The following FLVCR2 variants were observed in gnomAD, a reference collection of about 807,000 sequenced individuals.
The protein encoded by FLVCR2 is choline/ethanolamine transporter FLVCR2.
In FLVCR2, 38 loss-of-function variants were observed where a neutral mutation model predicts 48.9. That is an observed-to-expected ratio of 0.78 (90% CI 0.60 to 1.02). The LOEUF (loss-of-function observed/expected upper bound fraction) is 1.02, where lower values mean the gene tolerates loss of function less well. Ranked by LOEUF, FLVCR2 falls within the 50% of genes least tolerant of loss-of-function variation. The probability of loss-of-function intolerance (pLI) is 0.00; values close to 1 mark genes in which losing one functional copy is unlikely to be tolerated. For missense variants in FLVCR2, 664 were observed against 663.3 expected, an observed-to-expected ratio of 1.00 and a Z score of -0.01; for synonymous variants, 255 against 257.0, an observed-to-expected ratio of 0.99 and a Z score of 0.07.
At chr14:75,637,880 CG>C (rs1566796954) in intron 5 of FLVCR2, among the ~76,000 whole-genome samples, 1 of 151,854 alleles carries the variant, frequency 6.6e-6, no homozygotes, top group Non-Finnish European at 1.5e-5. Context: ...TTGCAGGAGT[CG>C]GGGCTGCATC....
At chr14:75,615,220 C>T (rs983607686) in intron 1 of FLVCR2, among the ~76,000 whole-genome samples, 5 of 152,046 alleles carry the variant, frequency 3.3e-5, no homozygotes, top group Admixed American at 6.5e-5. Flanking sequence ...CAGAAAGGTC[C>T]GAAGTGGGAC....
chr14:75,579,374 C>A lies in FLVCR2; in HGVS notation c.402C>A (p.Tyr134Ter). The change falls in exon 1 of 10, where the codon TAC becomes TAA. Residue 134 changes from tyrosine to a stop codon, truncating the protein, a stop_gained. Transcript: ENST00000238667. LOFTEE classifies it high-confidence loss of function. ...DWLSMCYMLT[Y>*]IPLLLPVAWL... is the part of the protein sequence containing the mutation. ...TGTCCATGTGCTACATGCTGACTTA[C>A]ATCCCTCTGCTCCTGCCAGTGGCTT... 2 of 1,614,244 alleles carry A rather than the reference C, an allele frequency of 1.2e-6. No individual in the cohort carries two copies. Among genetic ancestry groups the A allele is most frequent in the East Asian group, 4.5e-5 (2 of 44,892 alleles).
At chr14:75,583,796 G>C (rs1888669958) in intron 1 of FLVCR2, among the ~76,000 whole-genome samples, 2 of 152,168 alleles carry the variant, frequency 1.3e-5, no homozygotes, top group African/African-American at 4.8e-5. Flanking sequence ...AGGGAAACAG[G>C]CCCTTGAAAA....
At chr14:75,641,407 G>T in intron 8 of FLVCR2, 114 bp downstream of exon 8, 2 of 747,594 alleles carry the variant, frequency 2.7e-6, no homozygotes, top group South Asian at 2.9e-5. Context: ...GGAAGGGTTT[G>T]TTGGGGAATC....
chr14:75,609,416 A>G (rs1249590558), intron 1 of FLVCR2, among the ~76,000 whole-genome samples: 2 of 152,286 alleles, frequency 1.3e-5, no homozygotes, highest in South Asian at 2.1e-4. Flanking sequence ...TGGTGCTGCA[A>G]TCTCTCTCTT....
intron 1 of FLVCR2, among the ~76,000 whole-genome samples, chr14:75,582,796 G>A (rs542277051): frequency 6.6e-6 from 1 of 152,284 alleles, no homozygotes; most frequent in Non-Finnish European, 1.5e-5. Context: ...TTGCTTTTGT[G>A]AGTTTATAAA....
At chr14:75,641,927 A>C (rs765301959) in intron 9 of FLVCR2, 29 bp downstream of exon 9, 1 of 1,606,398 alleles carries the variant, frequency 6.2e-7, no homozygotes. Context: ...TGTGGGGCTG[A>C]GATCGGGGTC....
intron 1 of FLVCR2, among the ~76,000 whole-genome samples, chr14:75,599,245 C>T (rs1889101499): frequency 6.6e-6 from 1 of 152,130 alleles, no homozygotes; most frequent in South Asian, 2.1e-4. Flanking sequence ...CCCCAGTTCT[C>T]TGCAAACTGA....
At chr14:75,610,162 T>C (rs1027668099) in intron 1 of FLVCR2, among the ~76,000 whole-genome samples, 1 of 152,214 alleles carries the variant, frequency 6.6e-6, no homozygotes, top group African/African-American at 2.4e-5. Context: ...ATGGGGAAGT[T>C]CTGTGACCAC....
Position 75,639,400 on chromosome 14 carries a change from G to A in FLVCR2, c.1173G>A (p.Val391=), listed in dbSNP as rs1330027724. The A allele has an allele frequency of 1.9e-6, 3 of 1,614,124 alleles. No homozygotes were observed. The highest frequency in any genetic ancestry group is 1.7e-5 in the Admixed American group (1 of 60,030). ...TCATGACACTGGTGGGCATGGTGGT[G>A]TACACGTTTACCTTGAACCTGGGAC... is the stretch of plus-strand genomic sequence containing the variant. The part of the protein sequence containing the change: ...VYIMTLVGMV[V]YTFTLNLGHL... The change falls in exon 6 of 10, where the codon GTG becomes GTA. Residue 391 remains valine, a synonymous_variant. Transcript: ENST00000238667.
intron 1 of FLVCR2, among the ~76,000 whole-genome samples, chr14:75,597,454 C>T (rs1478107787): frequency 6.6e-6 from 1 of 152,190 alleles, no homozygotes; most frequent in Non-Finnish European, 1.5e-5. Flanking sequence ...TAGCCCAGAA[C>T]TTCCAGAAGT....
chr14:75,638,359 C>G (rs575482183), intron 5 of FLVCR2, among the ~76,000 whole-genome samples: 1 of 152,118 alleles, frequency 6.6e-6, no homozygotes, highest in South Asian at 2.1e-4. Flanking sequence ...ATCGCTTGAA[C>G]CCGGGAGGCA....
At chr14:75,628,504 CT>C (rs975062636) in intron 3 of FLVCR2, among the ~76,000 whole-genome samples, 1 of 152,122 alleles carries the variant, frequency 6.6e-6, no homozygotes, top group Non-Finnish European at 1.5e-5. Flanking sequence ...ATGGTTCATA[CT>C]TTTTACATTG....
At chr14:75,596,643 A>C (rs2140013563) in intron 1 of FLVCR2, among the ~76,000 whole-genome samples, 1 of 152,292 alleles carries the variant, frequency 6.6e-6, no homozygotes, top group Non-Finnish European at 1.5e-5. Flanking sequence ...TACCATTTTA[A>C]CCATTCATTA....
chr14:75,597,501 A>G (rs1484372170), intron 1 of FLVCR2, among the ~76,000 whole-genome samples: 2 of 152,110 alleles, frequency 1.3e-5, no homozygotes, highest in Non-Finnish European at 2.9e-5. Context: ...GATAGATGAA[A>G]ATACAGAGGT....
rs142712532 is a variant in FLVCR2 at position 75,580,777 on chromosome 14, G to A, written c.669+1136G>A. Among the ~76,000 whole-genome samples, 926 of 152,232 alleles carry A rather than the reference G, an allele frequency of 6.1e-3. 11 individuals are homozygous for A. The highest frequency in any genetic ancestry group is 0.019 in the African/African-American group (806 of 41,538). The stretch of plus-strand genomic sequence containing the variant: ...ACAAAGTACATTGATCAATTAGGGT[G>A]GGGCGAAACAAATCACAATGGTGGA... On this transcript the variant is annotated intron_variant, in intron 1 of 9. Coordinates refer to ENST00000238667, the MANE Select transcript of FLVCR2 (RefSeq NM_017791.3).
intron 1 of FLVCR2, among the ~76,000 whole-genome samples, chr14:75,600,575 A>G (rs1345554872): frequency 6.6e-6 from 1 of 152,230 alleles, no homozygotes; most frequent in Non-Finnish European, 1.5e-5. Context: ...TCAAAAATTA[A>G]CTGAAAAATG....
At chr14:75,612,382 G>A (rs1181830999) in intron 1 of FLVCR2, among the ~76,000 whole-genome samples, 2 of 152,156 alleles carry the variant, frequency 1.3e-5, no homozygotes, top group Non-Finnish European at 2.9e-5. Flanking sequence ...ACGGGGGCGG[G>A]AGCTTGAAGG....
chr14:75,596,155 G>T, intron 1 of FLVCR2: 1 of 795,320 alleles, frequency 1.3e-6, no homozygotes, highest in Admixed American at 1.7e-5. Context: ...TTCCTCTGAA[G>T]TCGTCGGTTG....
Sources: gnomAD v4.1 joint callset for allele counts (sites outside exome capture counted in the v4.1 genomes callset) on GRCh38, gnomAD v4.1.1 for gene constraint, MANE v1.5 for transcripts, NCBI Gene and HGNC (gene_info 2026-07-23, HGNC 2026-07-21) for gene names.